Variants in STARD13 observed in about 807,000 individuals in gnomAD.
STARD13 encodes stAR-related lipid transfer protein 13.
Under a neutral mutation model 106.4 loss-of-function variants are expected in STARD13, and 62 were observed. The observed-to-expected ratio is 0.58, with a 90% CI of 0.48 to 0.72. The LOEUF (loss-of-function observed/expected upper bound fraction) is 0.72, where lower values mean the gene tolerates loss of function less well. STARD13 is among the 30% of genes least tolerant of loss of function. STARD13 has a pLI of 0.00. For synonymous variants in STARD13, 565 were observed against 553.0 expected (o/e 1.02, Z -0.31); for missense variants, 1,387 against 1,424.0 (o/e 0.97, Z 0.42).
chr13:33,296,030 G>A (rs1892477711), intron 1 of STARD13, among the ~76,000 whole-genome samples: 1 of 151,708 alleles, frequency 6.6e-6, no homozygotes, highest in African/African-American at 2.4e-5. Context: ...AGACCAGCCT[G>A]GCCAACATGG....
the STARD13 span, among the ~76,000 whole-genome samples, chr13:33,595,218 G>T: frequency 6.6e-6 from 1 of 152,104 alleles, no homozygotes; most frequent in South Asian, 2.1e-4. Flanking sequence ...TAAGAGAGAA[G>T]CTTACTTCAT....
At chr13:33,381,573 T>C in the STARD13 span, among the ~76,000 whole-genome samples, 2 of 151,936 alleles carry the variant, frequency 1.3e-5, no homozygotes, top group Non-Finnish European at 2.9e-5. Flanking sequence ...AACCCCCCTC[T>C]CTACTGAAAC....
chr13:33,225,740 T>A (rs377626814), intron 1 of STARD13, among the ~76,000 whole-genome samples: 2 of 151,612 alleles, frequency 1.3e-5, no homozygotes, highest in East Asian at 3.9e-4. Flanking sequence ...GCTCTTTAAA[T>A]CTTTTCCTTA....
upstream of STARD13, among the ~76,000 whole-genome samples, chr13:33,350,977 C>T (rs2078073622): frequency 6.6e-6 from 1 of 152,008 alleles, no homozygotes; most frequent in African/African-American, 2.4e-5. Context: ...TTATATATGC[C>T]ACAGTGAGAG....
intron 4 of STARD13, chr13:33,138,564 C>T (rs1436948747): frequency 5.4e-6 from 1 of 186,030 alleles, no homozygotes; most frequent in South Asian, 9.2e-5. Context: ...GGAACCCACA[C>T]GAATCCACAG....
chr13:33,488,234 G>A, the STARD13 span, among the ~76,000 whole-genome samples: 1 of 151,974 alleles, frequency 6.6e-6, no homozygotes, highest in East Asian at 1.9e-4. Flanking sequence ...CTCCATCTCC[G>A]CTAGCACGAT....
At chr13:33,566,481 C>G in the STARD13 span, among the ~76,000 whole-genome samples, 2 of 147,906 alleles carry the variant, frequency 1.4e-5, 1 homozygote, top group Non-Finnish European at 3.0e-5. Context: ...TACAAGTCTA[C>G]CTTCTAGCAT....
chr13:33,452,342 G>T, the STARD13 span, among the ~76,000 whole-genome samples: 16 of 151,954 alleles, frequency 1.1e-4, no homozygotes, highest in African/African-American at 3.9e-4. Context: ...GGGGGCAGTT[G>T]TGGGGGTGGG....
upstream of STARD13, among the ~76,000 whole-genome samples, chr13:33,351,095 C>A (rs1028101953): frequency 1.4e-4 from 21 of 152,124 alleles, no homozygotes; most frequent in Admixed American, 1.2e-3. Context: ...TTATGTTAAT[C>A]CTTCCTGATT....
intron 3 of STARD13, among the ~76,000 whole-genome samples, chr13:33,151,084 T>C (rs528739104): frequency 2.6e-4 from 39 of 152,048 alleles, no homozygotes; most frequent in Non-Finnish European, 5.3e-4. Flanking sequence ...TATTTGAGCA[T>C]ACCTATGATG....
At chr13:33,221,707 C>T (rs1594126311) in intron 1 of STARD13, among the ~76,000 whole-genome samples, 2 of 152,324 alleles carry the variant, frequency 1.3e-5, no homozygotes, top group East Asian at 3.9e-4. Context: ...TTATTGATAA[C>T]TTCTGTCTCA....
the STARD13 span, among the ~76,000 whole-genome samples, chr13:33,473,062 G>C: frequency 6.6e-6 from 1 of 152,130 alleles, no homozygotes; most frequent in Non-Finnish European, 1.5e-5. Flanking sequence ...AAATACTTAA[G>C]ATTCTGAGTT....
the STARD13 span, among the ~76,000 whole-genome samples, chr13:33,601,642 A>T: frequency 6.6e-6 from 1 of 152,186 alleles, no homozygotes; most frequent in African/African-American, 2.4e-5. Context: ...GACTTGCCCA[A>T]AGTTACCCAG....
At chr13:33,611,731 G>T in the STARD13 span, among the ~76,000 whole-genome samples, 2 of 152,190 alleles carry the variant, frequency 1.3e-5, no homozygotes, top group Non-Finnish European at 2.9e-5. Flanking sequence ...AGAGTCAAAT[G>T]CAGTCCTTTG....
At chr13:33,634,732 C>T in the STARD13 span, among the ~76,000 whole-genome samples, 1 of 152,164 alleles carries the variant, frequency 6.6e-6, no homozygotes, top group African/African-American at 2.4e-5. Flanking sequence ...CACACACACA[C>T]AGTTTTCTTC....
At chr13:33,396,526 G>A in the STARD13 span, among the ~76,000 whole-genome samples, 2 of 152,204 alleles carry the variant, frequency 1.3e-5, no homozygotes, top group East Asian at 3.9e-4. Context: ...TTACACAAAA[G>A]CACACATAGT....
At chr13:33,283,099 T>C (rs1361038058) in intron 1 of STARD13, among the ~76,000 whole-genome samples, 1 of 152,162 alleles carries the variant, frequency 6.6e-6, no homozygotes, top group East Asian at 1.9e-4. Flanking sequence ...AGTAACTGGT[T>C]AAAGAGAATA....
At chr13:33,497,878 G>A in the STARD13 span, among the ~76,000 whole-genome samples, 3 of 152,088 alleles carry the variant, frequency 2.0e-5, no homozygotes, top group Non-Finnish European at 2.9e-5. Flanking sequence ...AGTAAATAAC[G>A]TAATTACTTT....
chr13:33,161,451 A>G (rs1449774492), intron 3 of STARD13, among the ~76,000 whole-genome samples: 2 of 152,094 alleles, frequency 1.3e-5, no homozygotes. Context: ...AGTAGCTGGA[A>G]CTACAGATGT....
Sources: allele counts gnomAD v4.1 joint callset (sites outside exome capture counted in the v4.1 genomes callset), GRCh38; gene constraint gnomAD v4.1.1; transcripts MANE v1.5; gene names NCBI Gene and HGNC (gene_info 2026-07-23, HGNC 2026-07-21).